PIGU: variants seen among roughly 807,000 people sequenced by gnomAD.
PIGU encodes phosphatidylinositol glycan anchor biosynthesis class U, also known as GPI-anchor transamidase component PIGU.
In PIGU, 24 loss-of-function variants were observed where a neutral mutation model predicts 49.9. The ratio of observed to expected loss-of-function variants is 0.48; its 90% CI spans 0.35 to 0.68. PIGU has a LOEUF of 0.68. PIGU is among the 30% of genes least tolerant of loss of function. The pLI, the probability that PIGU is intolerant of heterozygous loss-of-function variation, is 0.01. For missense variants in PIGU, 490 were observed against 532.6 expected, an observed-to-expected ratio of 0.92 and a Z score of 0.79; for synonymous variants, 220 against 205.7, an observed-to-expected ratio of 1.07 and a Z score of -0.59.
At chr20:34,623,856 G>A (rs1036730019) in intron 6 of PIGU, among the ~76,000 whole-genome samples, 2 of 152,146 alleles carry the variant, frequency 1.3e-5, no homozygotes, top group African/African-American at 4.8e-5. Flanking sequence ...TTGAAGTTGG[G>A]TTGACCTGAC....
chr20:34,672,864 A>T (rs1377953547), intron 1 of PIGU, among the ~76,000 whole-genome samples: 1 of 150,344 alleles, frequency 6.7e-6, no homozygotes. Flanking sequence ...CTCAAAAAAA[A>T]AAAAAAAAAA....
intron 7 of PIGU, among the ~76,000 whole-genome samples, chr20:34,597,770 A>C (rs1984256431): frequency 6.6e-6 from 1 of 152,248 alleles, no homozygotes; most frequent in African/African-American, 2.4e-5. Flanking sequence ...TGTAGGTTAT[A>C]GGTATATGAG....
At chr20:34,624,869 C>A (rs971795124) in intron 6 of PIGU, among the ~76,000 whole-genome samples, 27 of 152,188 alleles carry the variant, frequency 1.8e-4, no homozygotes, top group African/African-American at 6.3e-4. Flanking sequence ...TCCCAGGCAA[C>A]CCTGGGCTGC....
rs971855831 is a variant in PIGU at position 34,572,236 on chromosome 20, A to G, written c.1194+2868T>C. Among the ~76,000 whole-genome samples the G allele has an allele frequency of 2.6e-5, 4 of 151,816 alleles. No homozygotes were observed. In the East Asian group the frequency reaches 7.8e-4, roughly 30 times the overall value. ...ATTATTATTTTTATTATTTATTGCT[A>G]TTGACCAGCCTGGTCTCAAACTCCT... is the stretch of plus-strand genomic sequence containing the variant. On this transcript the variant is annotated intron_variant, in intron 11 of 11. Transcript: ENST00000217446.
In PIGU at chr20:34,640,497, GCGCA is replaced by G. The variant is rs375494201; in HGVS notation, c.319-2516_319-2513del. ...TAAAATTATACACACATGTGCGCAC[GCGCA>G]CACACACACACACACACACACACAC... On this transcript the variant is annotated intron_variant, in intron 4 of 11. Transcript: ENST00000217446. 1.1e-3 allele frequency among the ~76,000 whole-genome samples: 54 copies of G among 50,734 alleles called. 1 individual carries two copies. Among genetic ancestry groups the G allele is most frequent in the African/African-American group, 4.3e-3 (41 of 9,504 alleles). The allele number at this position is 50,734 out of a possible 152,430, so 33.3% of individuals were successfully genotyped here. A position where few individuals can be genotyped will look rare whatever the true frequency, so the allele number is the denominator to read the frequency against.
At chr20:34,651,521 T>C (rs569460302) in intron 2 of PIGU, among the ~76,000 whole-genome samples, 3 of 152,252 alleles carry the variant, frequency 2.0e-5, no homozygotes, top group East Asian at 3.9e-4. Flanking sequence ...TTCCAGCAGA[T>C]GTGGTTTTTT....
rs956434293 is a variant in PIGU, at chr20:34,585,475, G to A, written c.888C>T (p.Asn296=). 20 of 1,613,962 alleles carry A rather than the reference G, an allele frequency of 1.2e-5. No homozygotes were observed. The highest frequency in any genetic ancestry group is 1.7e-5 in the Admixed American group (1 of 60,000). ...CTAAGGGGATGGTGTAGAAGAAGAC[G>A]TTGATCTGAAACACACATACAAAGA... ...SLFFVCVFQI[N]VFFYTIPLAI... is the part of the protein sequence containing the mutation. Residue 296 remains asparagine, a synonymous_variant, in exon 9 of 12, where the codon AAC becomes AAT. Transcript: ENST00000217446.
At position 34,655,639 on chromosome 20, in the gene PIGU, A is replaced by G. The variant is rs559772899; in HGVS notation, c.195+1541T>C. ...CAGTGAGCCAAGATCGTGCCACTGC[A>G]TTCCAGCCTGGGTGACAGAGCAAGA... On this transcript the variant is annotated intron_variant, in intron 2 of 11. Coordinates refer to ENST00000217446, the MANE Select transcript of PIGU (RefSeq NM_080476.5). Among the ~76,000 whole-genome samples the G allele has an allele frequency of 3.3e-5, 4 of 121,880 alleles. 2 individuals carry two copies. The East Asian group carries it at 1.0e-3, about 31-fold the overall frequency. The allele number at this position is 121,880 out of a possible 152,430, so 80.0% of individuals were successfully genotyped here.
At chr20:34,676,579 T>G (rs1485441905) in intron 1 of PIGU, among the ~76,000 whole-genome samples, 5 of 152,180 alleles carry the variant, frequency 3.3e-5, no homozygotes, top group African/African-American at 9.6e-5. Flanking sequence ...GGAGCACCCC[T>G]GGCGATCCCG....
chr20:34,670,192 CTTT>C (rs11476375), intron 1 of PIGU, among the ~76,000 whole-genome samples: 5 of 137,412 alleles, frequency 3.6e-5, no homozygotes, highest in Admixed American at 7.3e-5. Flanking sequence ...GTAATAACGG[CTTT>C]TTTTTTTTTT....
intron 7 of PIGU, among the ~76,000 whole-genome samples, chr20:34,590,800 A>T (rs1983939082): frequency 6.6e-6 from 1 of 152,086 alleles, no homozygotes; most frequent in African/African-American, 2.4e-5. Context: ...AGGCAAGCGG[A>T]TCATGAGGTC....
intron 7 of PIGU, among the ~76,000 whole-genome samples, chr20:34,607,289 C>T (rs955935868): frequency 6.6e-6 from 1 of 152,180 alleles, no homozygotes; most frequent in African/African-American, 2.4e-5. Flanking sequence ...CTTCACATCC[C>T]TGTTGCCTTT....
chr20:34,567,327 G>A (rs1191983753), intron 11 of PIGU, among the ~76,000 whole-genome samples: 2 of 152,240 alleles, frequency 1.3e-5, no homozygotes, highest in Admixed American at 6.5e-5. Context: ...CAGCTCTGAA[G>A]ATGCAAAGTA....
At position 34,665,192 on chromosome 20, in the gene PIGU, A is replaced by ATTTTTTTTTT. The variant is rs1171497892; in HGVS notation, c.131-7958_131-7949dup. On this transcript the variant is annotated intron_variant, in intron 1 of 11. Coordinates refer to ENST00000217446, the MANE Select transcript of PIGU (RefSeq NM_080476.5). ...AGATGCACACCACCATGTATGGCCA[A>ATTTTTTTTTT]TTTTTTTTTTTTTTTTTTTTTTTTT... 2.9e-4 allele frequency among the ~76,000 whole-genome samples: 17 copies of ATTTTTTTTTT among 59,612 alleles called. 3 individuals are homozygous for ATTTTTTTTTT. The highest frequency in any genetic ancestry group is 1.0e-3 in the African/African-American group (14 of 13,408). 39.1% of individuals were successfully genotyped at this position (59,612 alleles called of 152,430 possible). A position where few individuals can be genotyped will look rare whatever the true frequency, so the allele number is the denominator to read the frequency against.
intron 11 of PIGU, among the ~76,000 whole-genome samples, chr20:34,569,847 C>T (rs984771251): frequency 2.0e-5 from 3 of 152,136 alleles, no homozygotes; most frequent in African/African-American, 7.2e-5. Context: ...GGGATACAGC[C>T]ATGAAGAAGA....
At chr20:34,580,621 G>GA (rs1568624368) in intron 10 of PIGU, among the ~76,000 whole-genome samples, 1 of 152,228 alleles carries the variant, frequency 6.6e-6, no homozygotes, top group East Asian at 1.9e-4. Context: ...CTCGTTTAGA[G>GA]AATCAGGTGG....
At chr20:34,659,775 CAT>C (rs2146787649) in intron 1 of PIGU, among the ~76,000 whole-genome samples, 1 of 152,290 alleles carries the variant, frequency 6.6e-6, no homozygotes, top group East Asian at 1.9e-4. Context: ...CTCTCTGAAA[CAT>C]GTGCTGTGTC....
rs1167622084 is a variant in PIGU at position 34,560,928 on chromosome 20, G to A, written c.1246C>T (p.Leu416Phe). Residue 416 changes from leucine (L) to phenylalanine (F), a missense_variant, in exon 12 of 12, where the codon CTC (leucine) becomes TTC (phenylalanine). By Grantham distance (22) the Leu-to-Phe change is conservative (BLOSUM62 0). Coordinates refer to ENST00000217446, the MANE Select transcript of PIGU (RefSeq NM_080476.5). The part of the protein sequence containing the change: ...FYAFLRREYY[L>F]THGLYLTAKD... ...GCGGTCAAGTAGAGGCCATGTGTGA[G>A]GTAGTACTCCCGCCGCAGGAAGGCA... 81 of 1,613,038 alleles carry A rather than the reference G, an allele frequency of 5.0e-5. No homozygotes were observed. Among genetic ancestry groups the A allele is most frequent in the Non-Finnish European group, 6.9e-5 (81 of 1,179,436 alleles).
At position 34,656,472 on chromosome 20, in the gene PIGU, C is replaced by T. The variant is rs555877699; in HGVS notation, c.195+708G>A. Among the ~76,000 whole-genome samples, 257 of 147,218 alleles carry T rather than the reference C, an allele frequency of 1.7e-3. 1 individual carries two copies. The highest frequency in any genetic ancestry group is 3.5e-3 in the Middle Eastern group (1 of 286). On this transcript the variant is annotated intron_variant, in intron 2 of 11. Transcript: ENST00000217446. ...TAATCTTTTGTATTTTCAGTAGAGACGGGGTTTCACCGTGTTAGCCAGGAT... is the reference window on the plus strand; with the variant it reads ...TAATCTTTTGTATTTTCAGTAGAGATGGGGTTTCACCGTGTTAGCCAGGAT...
Sources: gnomAD v4.1 joint callset for allele counts (sites outside exome capture counted in the v4.1 genomes callset) on GRCh38, gnomAD v4.1.1 for gene constraint, MANE v1.5 for transcripts, NCBI Gene and HGNC (gene_info 2026-07-23, HGNC 2026-07-21) for gene names.